Variants in RPS6KB1 observed in about 807,000 individuals in gnomAD.
RPS6KB1 encodes ribosomal protein S6 kinase B1, also known as ribosomal protein S6 kinase beta-1.
Under a neutral mutation model 70.2 loss-of-function variants are expected in RPS6KB1, and 12 were observed. The ratio of observed to expected loss-of-function variants is 0.17; its 90% confidence interval spans 0.11 to 0.28. RPS6KB1 has a LOEUF of 0.28. Among genes scored for constraint, RPS6KB1 ranks in the 10% least tolerant of loss-of-function variants. The pLI is 1.00. For synonymous variants in RPS6KB1, 175 were observed against 211.2 expected, an observed-to-expected ratio of 0.83 and a Z score of 1.49; for missense variants, 270 against 646.6, an observed-to-expected ratio of 0.42 and a Z score of 6.32.
intron 5 of RPS6KB1, among the ~76,000 whole-genome samples, chr17:59,927,092 T>A (rs1024029000): frequency 1.3e-5 from 2 of 152,264 alleles, no homozygotes; most frequent in African/African-American, 4.8e-5. Context: ...CTATTTATTT[T>A]TTTTTTTGAG....
chr17:59,943,627 C>G (rs933221346), intron 13 of RPS6KB1, among the ~76,000 whole-genome samples: 1 of 151,688 alleles, frequency 6.6e-6, no homozygotes, highest in Non-Finnish European at 1.5e-5. Context: ...GCCTGTAATC[C>G]CAGCACTTTG....
intron 13 of RPS6KB1, 32 bp downstream of exon 13, chr17:59,940,975 A>G: frequency 4.9e-6 from 7 of 1,420,432 alleles, no homozygotes; most frequent in Non-Finnish European, 6.9e-6. Flanking sequence ...TAGTCATGGG[A>G]AATTTTAGTG....
chr17:59,926,340 G>A, intron 4 of RPS6KB1, 95 bp from the exon 5 acceptor site: 8 of 943,238 alleles, frequency 8.5e-6, no homozygotes, highest in Non-Finnish European at 1.2e-5. Flanking sequence ...GTTCAATATT[G>A]GCAGGAAAAA....
chr17:59,902,004 C>T (rs1338916758), intron 1 of RPS6KB1, among the ~76,000 whole-genome samples: 10 of 139,606 alleles, frequency 7.2e-5, no homozygotes, highest in Non-Finnish European at 1.4e-4. Flanking sequence ...AGAATGAGAA[C>T]CTGTCTCTAA....
intron 4 of RPS6KB1, among the ~76,000 whole-genome samples, chr17:59,915,991 G>A (rs55884312): frequency 0.14 from 21,579 of 151,672 alleles, 1,683 homozygotes; most frequent in Middle Eastern, 0.19. Flanking sequence ...CTCCATGTTG[G>A]TTAGGCTGGT....
chr17:59,893,838 G>C lies in RPS6KB1; in HGVS notation c.141+513G>C. 2.0e-6 allele frequency: 2 copies of C among 986,138 alleles called. No individual in the cohort carries two copies. The highest frequency in any genetic ancestry group is 4.7e-5 in the South Asian group (1 of 21,376). 61.1% of individuals were successfully genotyped at this position (986,138 alleles called of 1,614,324 possible). ...GAAGTGACAGCTGAAAACTTCTGTC[G>C]GGAGTAGCACTGCCGCTGCTGTTAC... On this transcript the variant is annotated intron_variant, in intron 1 of 14. Transcript: ENST00000225577. This position sits in a 1 kb window ranked among gnomAD's most constrained non-coding sequence, Gnocchi z 4.1.
chr17:59,924,705 A>C lies in RPS6KB1; in HGVS notation c.382-1730A>C, dbSNP rs966408992. Among the ~76,000 whole-genome samples, 7 of 152,020 alleles carry C rather than the reference A, an allele frequency of 4.6e-5. No homozygotes were observed. The East Asian group carries it at 1.3e-3, about 29-fold the overall frequency. Reference sequence around the variant, plus strand: ...GCATAAGCAGATACATATTATATATATTCTCATTTCCCCTTTCTTGTACAA... The same window carrying C: ...GCATAAGCAGATACATATTATATATCTTCTCATTTCCCCTTTCTTGTACAA... On this transcript the variant is annotated intron_variant, in intron 4 of 14. Transcript: ENST00000225577.
chr17:59,922,868 G>T lies in RPS6KB1; in HGVS notation c.382-3567G>T, dbSNP rs1254292319. ...CCTATACTCTCTTTTAAAAAAATTT[G>T]TTTGTTTTTTTTTTTTGAGATGGAG... On this transcript the variant is annotated intron_variant, in intron 4 of 14. Transcript: ENST00000225577. Among the ~76,000 whole-genome samples, 31 of 135,432 alleles carry T rather than the reference G, an allele frequency of 2.3e-4. 1 individual carries two copies. The highest frequency in any genetic ancestry group is 5.9e-4 in the African/African-American group (21 of 35,576). The allele number at this position is 135,432 out of a possible 152,430, so 88.8% of individuals were successfully genotyped here.
intron 2 of RPS6KB1, among the ~76,000 whole-genome samples, chr17:59,911,769 T>A (rs1314217749): frequency 6.6e-6 from 1 of 151,874 alleles, no homozygotes; most frequent in Non-Finnish European, 1.5e-5. Context: ...GGAATTTTTG[T>A]ATTTTTAGTG....
At position 59,947,020 on chromosome 17, in the gene RPS6KB1, T is replaced by G; in HGVS notation, c.*232T>G. 2 of 1,351,654 alleles carry G rather than the reference T, an allele frequency of 1.5e-6. No homozygotes were observed. 83.7% of individuals were successfully genotyped at this position (1,351,654 alleles called of 1,614,324 possible). On this transcript the variant is annotated 3_prime_UTR_variant, in exon 15 of 15. Coordinates refer to ENST00000225577, the MANE Select transcript of RPS6KB1 (RefSeq NM_003161.4). ...ACTCTTAGGCACATCAATTAATTGATTCCTCGCGACATCTTCTCAACCTTA... is the reference window on the plus strand; with the variant it reads ...ACTCTTAGGCACATCAATTAATTGAGTCCTCGCGACATCTTCTCAACCTTA...
intron 3 of RPS6KB1, among the ~76,000 whole-genome samples, chr17:59,914,000 C>T (rs1008675344): frequency 1.3e-5 from 2 of 152,166 alleles, no homozygotes; most frequent in Non-Finnish European, 1.5e-5. Context: ...CTCACCTGGC[C>T]ATATTTGTGT....
At chr17:59,906,885 G>C (rs1374545200) in intron 1 of RPS6KB1, 2 of 150,644 alleles carry the variant, frequency 1.3e-5, no homozygotes, top group African/African-American at 4.9e-5. Context: ...GTAGAGATGG[G>C]GTTTCGCCAT....
At chr17:59,917,967 CTT>C (rs1252325292) in intron 4 of RPS6KB1, among the ~76,000 whole-genome samples, 1 of 151,896 alleles carries the variant, frequency 6.6e-6, no homozygotes, top group Non-Finnish European at 1.5e-5. Flanking sequence ...GAGTTTTGCT[CTT>C]GTTGCCCAGG....
At chr17:59,927,153 G>A (rs2043654551) in intron 5 of RPS6KB1, among the ~76,000 whole-genome samples, 1 of 151,980 alleles carries the variant, frequency 6.6e-6, no homozygotes. Flanking sequence ...TGTGATCTTG[G>A]GTCACTGCAA....
chr17:59,930,010 C>G (rs1307085805), intron 5 of RPS6KB1, 107 bp from the exon 6 acceptor site: 1 of 680,884 alleles, frequency 1.5e-6, no homozygotes, highest in African/African-American at 1.9e-5. Flanking sequence ...TTTTAAGGGG[C>G]TGATGTCTTT....
At position 59,893,335 on chromosome 17, in the gene RPS6KB1, G is replaced by T. The variant is rs201468028; in HGVS notation, c.141+10G>T. On this transcript the variant is annotated intron_variant, in intron 1 of 14. Coordinates refer to ENST00000225577, the MANE Select transcript of RPS6KB1 (RefSeq NM_003161.4). The surrounding 1 kb of genome is among the most constrained non-coding windows in gnomAD (Gnocchi z 4.1). Reference sequence around the variant, plus strand: ...TGAGCTGGAGGAGGGGGTGAGGCCCGGGGTCCCCGGGGGCCCGAGGTGACA... The same window carrying T: ...TGAGCTGGAGGAGGGGGTGAGGCCCTGGGTCCCCGGGGGCCCGAGGTGACA... 5.0e-4 allele frequency: 790 copies of T among 1,591,880 alleles called. No individual in the cohort carries two copies. Among genetic ancestry groups the T allele is most frequent in the Non-Finnish European group, 5.8e-4 (673 of 1,169,466 alleles).
intron 4 of RPS6KB1, among the ~76,000 whole-genome samples, chr17:59,923,542 G>A (rs1039804144): frequency 2.4e-4 from 37 of 151,612 alleles, no homozygotes; most frequent in African/African-American, 8.2e-4. Context: ...ATGGAGTCTC[G>A]CTTTGTCCCC....
At chr17:59,910,818 GAT>G (rs1316424880) in intron 2 of RPS6KB1, among the ~76,000 whole-genome samples, 1 of 152,188 alleles carries the variant, frequency 6.6e-6, no homozygotes, top group East Asian at 1.9e-4. Context: ...TTGAGGAAAA[GAT>G]ATTAATTCAG....
intron 5 of RPS6KB1, among the ~76,000 whole-genome samples, 180 bp from the exon 6 acceptor site, chr17:59,929,937 A>G (rs1465539900): frequency 6.6e-6 from 1 of 152,198 alleles, no homozygotes; most frequent in Non-Finnish European, 1.5e-5. Context: ...TAAGAATGCT[A>G]CTAAAAATAG....
Sources: allele counts gnomAD v4.1 joint callset (sites outside exome capture counted in the v4.1 genomes callset), GRCh38; gene constraint gnomAD v4.1.1; non-coding constraint Gnocchi (gnomAD v3.1); transcripts MANE v1.5; gene names NCBI Gene and HGNC (gene_info 2026-07-23, HGNC 2026-07-21).